Variants in PLXNB1 observed in about 807,000 individuals in gnomAD.
The protein encoded by PLXNB1 is plexin B1, also known as plexin-B1.
PLXNB1 carries 106 observed loss-of-function variants against 209.4 expected under a neutral mutation model. That is an observed-to-expected ratio of 0.51 (90% CI 0.43 to 0.59). The LOEUF (loss-of-function observed/expected upper bound fraction) is 0.59. PLXNB1 is among the 20% of genes least tolerant of loss of function. The probability of loss-of-function intolerance (pLI) is 0.00; values close to 1 mark genes in which losing one functional copy is unlikely to be tolerated. For missense variants in PLXNB1, 2,357 were observed against 2,853.2 expected (o/e 0.83, Z 3.96); for synonymous variants, 1,167 against 1,183.2 (o/e 0.99, Z 0.28).
rs777782816 is a variant in PLXNB1, at chr3:48,411,252, C to T, written c.5248-216G>A. Among the ~76,000 whole-genome samples, 1 of 152,210 alleles carries T rather than the reference C, an allele frequency of 6.6e-6. No homozygotes were observed. The highest frequency in any genetic ancestry group is 1.5e-5 in the Non-Finnish European group (1 of 68,040). ...CACCTAGCGCAGTGCACTTGTAAAC[C>T]ACTATGGGGTAAATGGCAGAAAAAA... On this transcript the variant is annotated intron_variant, in intron 28 of 37. Transcript: ENST00000296440. This position sits in a 1 kb window ranked among gnomAD's most constrained non-coding sequence, Gnocchi z 4.0.
rs767659107 is a variant in PLXNB1 at position 48,409,987 on chromosome 3, C to G, written c.5696G>C (p.Arg1899Pro). ...PSDEPEPPRP[R>P]RGSLRGGERE... ...CTCCCCGCCCCGAAGGCTGCCCCTC[C>G]GAGGCCTGGGCGGCTCCGGCTCATC... Residue 1899 changes from arginine (R) to proline (P), a missense_variant, in exon 32 of 38, where the codon CGG (arginine) becomes CCG (proline). By Grantham distance (103) the Arg-to-Pro change is moderately radical. Transcript: ENST00000296440. This position sits in a 1 kb window ranked among gnomAD's most constrained non-coding sequence, Gnocchi z 5.8. The G allele has an allele frequency of 6.2e-7, 1 of 1,612,822 alleles. No individual in the cohort carries two copies. Among genetic ancestry groups the G allele is most frequent in the Non-Finnish European group, 8.5e-7 (1 of 1,179,668 alleles).
chr3:48,407,164 C>G, intron 34 of PLXNB1, 73 bp from the exon 35 acceptor site: 3 of 1,361,282 alleles, frequency 2.2e-6, no homozygotes, highest in Non-Finnish European at 3.2e-6. Flanking sequence ...GATCAAGTGT[C>G]CTGGGTTTCC....
At position 48,420,947 on chromosome 3, in the gene PLXNB1, G is replaced by T. The variant is rs771781739; in HGVS notation, c.1820C>A (p.Ser607Tyr). The T allele has an allele frequency of 1.9e-6, 3 of 1,612,742 alleles. No individual in the cohort carries two copies. Among genetic ancestry groups the T allele is most frequent in the Non-Finnish European group, 2.5e-6 (3 of 1,178,976 alleles). ...PVLPRGADYV[S>Y]VSVELRFGAV... The stretch of plus-strand genomic sequence containing the variant: ...GCCAAATCTGAGCTCCACGCTCACG[G>T]ATACGTAGTCTGCAGAGGGGGAGAG... Residue 607 changes from serine to tyrosine, a missense_variant, in exon 9 of 38, where the codon TCC (serine) becomes TAC (tyrosine). This residue lies in a region of PLXNB1 where 214 missense variants were observed against 297.1 expected (regional missense o/e 0.72). Transcript: ENST00000296440.
intron 21 of PLXNB1, among the ~76,000 whole-genome samples, chr3:48,414,514 C>T (rs2037935956): frequency 6.6e-6 from 1 of 152,232 alleles, no homozygotes; most frequent in African/African-American, 2.4e-5. Flanking sequence ...ATGTGGACCA[C>T]ACCACCCAGC....
chr3:48,426,165 T>C (rs1402793013), intron 1 of PLXNB1, among the ~76,000 whole-genome samples: 1 of 152,158 alleles, frequency 6.6e-6, no homozygotes, highest in Non-Finnish European at 1.5e-5. Context: ...AGATGTGGGG[T>C]AAGTGGAGTG....
At chr3:48,421,113 G>A (rs2038487345) in intron 8 of PLXNB1, 115 bp downstream of exon 8, 4 of 1,364,970 alleles carry the variant, frequency 2.9e-6, no homozygotes, top group East Asian at 2.3e-5. Flanking sequence ...GGGAGTGGGA[G>A]GACCCAGAGA....
chr3:48,408,304 G>A (rs966533176), intron 34 of PLXNB1, among the ~76,000 whole-genome samples: 1 of 152,102 alleles, frequency 6.6e-6, no homozygotes, highest in African/African-American at 2.4e-5. Context: ...GTGAGCCACC[G>A]TGCCAAGCTA....
rs957158933 is a variant in PLXNB1, at chr3:48,418,834, T to C, written c.2955+83A>G. 2.6e-5 allele frequency: 40 copies of C among 1,548,442 alleles called. No individual in the cohort carries two copies. Among genetic ancestry groups the C allele is most frequent in the Non-Finnish European group, 3.0e-5 (34 of 1,128,964 alleles). On this transcript the variant is annotated intron_variant, in intron 13 of 37. Transcript: ENST00000296440. The surrounding 1 kb of genome is among the most constrained non-coding windows in gnomAD (Gnocchi z 6.6). ...ACGGTCAGAGCGTGGCTCTGGAAAG[T>C]GTGGTGCAGCCAGCTACAGTTGGCA...
At position 48,419,287 on chromosome 3, in the gene PLXNB1, T is replaced by A. The variant is rs757242524; in HGVS notation, c.2789A>T (p.Glu930Val). 3.8e-6 allele frequency: 6 copies of A among 1,597,032 alleles called. No individual in the cohort carries two copies. In the Admixed American group the frequency reaches 5.1e-5, roughly 14 times the overall value. ...QGSTLMPVHV[E>V]REIRLLGRNL... The stretch of plus-strand genomic sequence containing the variant: ...CCTGCCTAGCAGCCGGATTTCCCGC[T>A]CCACATGGACCGGCATCAACGTGGA... The change falls in exon 12 of 38, where the codon GAG becomes GTG. Residue 930 changes from glutamate (E) to valine (V), a missense_variant. Glu to Val is a moderately radical substitution (Grantham distance 121, BLOSUM62 -2). Around this residue, in one of 7 missense-constraint regions of PLXNB1, gnomAD observed 410 missense variants for 401.0 expected, o/e 1.02. Coordinates refer to ENST00000296440, the MANE Select transcript of PLXNB1 (RefSeq NM_001130082.3). The surrounding 1 kb of genome is among the most constrained non-coding windows in gnomAD (Gnocchi z 5.7).
rs2038322755 is a variant in PLXNB1 at position 48,419,258 on chromosome 3, G to A, written c.2818C>T (p.Leu940=). The A allele has an allele frequency of 6.3e-7, 1 of 1,584,732 alleles. No individual in the cohort carries two copies. The highest frequency in any genetic ancestry group is 1.3e-5 in the African/African-American group (1 of 74,230). Residue 940 remains leucine (L), a synonymous_variant, in exon 12 of 38, where the codon CTG becomes TTG. Transcript: ENST00000296440. This position sits in a 1 kb window ranked among gnomAD's most constrained non-coding sequence, Gnocchi z 5.7. ...GACACACTGACCTGGAAAAGGTGCA[G>A]GTTCCTGCCTAGCAGCCGGATTTCC... The part of the protein sequence containing the change: ...EREIRLLGRN[L]HLFQDGPGDN...
chr3:48,414,687 G>T, intron 21 of PLXNB1, 112 bp downstream of exon 21: 2 of 1,334,014 alleles, frequency 1.5e-6, no homozygotes, highest in Non-Finnish European at 2.1e-6. Flanking sequence ...GAGGAGCCAT[G>T]TCCATCCACC....
Position 48,419,950 on chromosome 3 carries a change from C to T in PLXNB1, c.2336G>A (p.Arg779Lys), listed in dbSNP as rs750201343. 1 of 1,578,386 alleles carries T rather than the reference C, an allele frequency of 6.3e-7. No individual in the cohort carries two copies. The highest frequency in any genetic ancestry group is 1.2e-5 in the South Asian group (1 of 85,178). ...GAGGTCCTCAGGTGTGGCTGAGGGT[C>T]TGAAGTCAGTGGGGGCAGGGACAGC... is the stretch of plus-strand genomic sequence containing the variant. ...GTAVPAPTDFRPSATPEDLLA... is the reference protein window; with the variant it reads ...GTAVPAPTDFKPSATPEDLLA... The change falls in exon 11 of 38, where the codon AGA becomes AAA. Residue 779 changes from arginine to lysine, a missense_variant. Transcript: ENST00000296440. The surrounding 1 kb of genome is among the most constrained non-coding windows in gnomAD (Gnocchi z 5.7).
chr3:48,419,168 TGCTCC>T lies in PLXNB1; in HGVS notation c.2832+71_2832+75del. Reference sequence around the variant, plus strand: ...GAGCCCTCGGACTCTGCCCTCCTCCTGCTCCCCAGGGCTTGTGCAGAGTTTCTCAA... The same window carrying T: ...GAGCCCTCGGACTCTGCCCTCCTCCTCCAGGGCTTGTGCAGAGTTTCTCAA... On this transcript the variant is annotated intron_variant, in intron 12 of 37. Transcript: ENST00000296440. This position sits in a 1 kb window ranked among gnomAD's most constrained non-coding sequence, Gnocchi z 5.7. 1 of 1,555,246 alleles carries T rather than the reference TGCTCC, an allele frequency of 6.4e-7. No homozygotes were observed. The highest frequency in any genetic ancestry group is 1.4e-5 in the African/African-American group (1 of 73,848).
Position 48,404,400 on chromosome 3 carries a change from G to A in PLXNB1, c.*86C>T. 1 of 782,992 alleles carries A rather than the reference G, an allele frequency of 1.3e-6. No individual in the cohort carries two copies. The highest frequency in any genetic ancestry group is 2.1e-6 in the Non-Finnish European group (1 of 471,034). 48.5% of individuals were successfully genotyped at this position (782,992 alleles called of 1,614,324 possible). A position where few individuals can be genotyped will look rare whatever the true frequency, so the allele number is the denominator to read the frequency against. On this transcript the variant is annotated 3_prime_UTR_variant, in exon 38 of 38. Coordinates refer to ENST00000296440, the MANE Select transcript of PLXNB1 (RefSeq NM_001130082.3). ...CTAACTCTGCTTGTCAGTCACTACAGGCACCTAAGAAGGTGGCCTCTCCTC... is the reference window on the plus strand; with the variant it reads ...CTAACTCTGCTTGTCAGTCACTACAAGCACCTAAGAAGGTGGCCTCTCCTC...
chr3:48,407,743 G>A (rs1297151709), intron 34 of PLXNB1, among the ~76,000 whole-genome samples: 1 of 152,182 alleles, frequency 6.6e-6, no homozygotes, highest in Non-Finnish European at 1.5e-5. Context: ...GCGCCTTCTT[G>A]ACAACTCCCC....
chr3:48,406,613 C>A lies in PLXNB1; in HGVS notation c.6228+210G>T, dbSNP rs2037328760. The A allele has an allele frequency of 7.1e-7, 1 of 1,399,412 alleles. No individual in the cohort carries two copies. The highest frequency in any genetic ancestry group is 9.3e-7 in the Non-Finnish European group (1 of 1,079,288). 86.7% of individuals were successfully genotyped at this position (1,399,412 alleles called of 1,614,324 possible). ...TCAGGGTACATGGCAGCTGCCAGGA[C>A]AAGACCCCTGCTTGCTCTGTGATGA... On this transcript the variant is annotated intron_variant, in intron 36 of 37. Transcript: ENST00000296440. The surrounding 1 kb of genome is among the most constrained non-coding windows in gnomAD (Gnocchi z 4.4).
intron 34 of PLXNB1, 106 bp from the exon 35 acceptor site, chr3:48,407,197 A>G: frequency 9.4e-7 from 1 of 1,059,180 alleles, no homozygotes; most frequent in Non-Finnish European, 1.4e-6. Flanking sequence ...AGTTTTGAAA[A>G]GGAAAAGTCT....
rs183520878 is a variant in PLXNB1, at chr3:48,416,020, G to T, written c.3617+11C>A. On this transcript the variant is annotated intron_variant, in intron 18 of 37. Transcript: ENST00000296440. The surrounding 1 kb of genome is among the most constrained non-coding windows in gnomAD (Gnocchi z 4.1). ...AGATGGATTTTTGCAGGATGAGGAA[G>T]TGGCCCTCACAAGTGACAAGGCTGG... 8 of 1,602,064 alleles carry T rather than the reference G, an allele frequency of 5.0e-6. No individual in the cohort carries two copies. The Admixed American group carries it at 1.4e-4, about 27-fold the overall frequency.
chr3:48,424,707 C>T (rs2038792686), intron 2 of PLXNB1, 90 bp from the exon 3 acceptor site: 1 of 1,330,856 alleles, frequency 7.5e-7, no homozygotes, highest in African/African-American at 1.5e-5. Context: ...GTGGCATTGC[C>T]AAGATGCTCC....
Sources: allele counts gnomAD v4.1 joint callset (sites outside exome capture counted in the v4.1 genomes callset), GRCh38; gene constraint gnomAD v4.1.1; regional missense constraint gnomAD v4.1.1; non-coding constraint Gnocchi (gnomAD v3.1); transcripts MANE v1.5; gene names NCBI Gene and HGNC (gene_info 2026-07-23, HGNC 2026-07-21).